LARGE1: variants seen among roughly 807,000 people sequenced by gnomAD.
LARGE1 encodes the protein xylosyl- and glucuronyltransferase LARGE1.
Under a neutral mutation model 87.6 loss-of-function variants are expected in LARGE1, and 43 were observed. The ratio of observed to expected loss-of-function variants is 0.49; its 90% CI spans 0.38 to 0.63. LARGE1 has a LOEUF of 0.63. LARGE1 is among the 30% of genes least tolerant of loss of function. The pLI, the probability that LARGE1 is intolerant of heterozygous loss-of-function variation, is 0.00. For synonymous variants in LARGE1, 434 were observed against 394.6 expected (o/e 1.10, Z -1.18); for missense variants, 802 against 1,000.2 (o/e 0.80, Z 2.67).
At chr22:33,651,759 A>G (rs1255345108) in intron 2 of LARGE1, among the ~76,000 whole-genome samples, 1 of 152,222 alleles carries the variant, frequency 6.6e-6, no homozygotes, top group Admixed American at 6.5e-5. Flanking sequence ...AAAATATTAA[A>G]AGCAACAAGG....
intron 6 of LARGE1, among the ~76,000 whole-genome samples, chr22:33,519,006 T>C (rs1325345338): frequency 6.6e-6 from 1 of 152,082 alleles, no homozygotes; most frequent in Non-Finnish European, 1.5e-5. Flanking sequence ...GGAACTTACC[T>C]AAAACAAGAC....
At position 33,421,133 on chromosome 22, in the gene LARGE1, G is replaced by A. The variant is rs567949209; in HGVS notation, c.892+11028C>T. Among the ~76,000 whole-genome samples, 17 of 152,238 alleles carry A rather than the reference G, an allele frequency of 1.1e-4. No homozygotes were observed. The South Asian group carries it at 3.3e-3, about 30-fold the overall frequency. ...GAACCCAGGAGGTGGAGGTTGCAGT[G>A]AGCAGAGATCACGCCACTGCACTCC... On this transcript the variant is annotated intron_variant, in intron 7 of 14. Transcript: ENST00000397394.
intron 7 of LARGE1, among the ~76,000 whole-genome samples, chr22:33,400,614 C>A (rs900275674): frequency 5.4e-4 from 82 of 152,254 alleles, no homozygotes; most frequent in African/African-American, 1.9e-3. Flanking sequence ...GGAGAGATGG[C>A]GTGGATGGCC....
At chr22:33,332,725 G>A (rs1362652709) in intron 10 of LARGE1, among the ~76,000 whole-genome samples, 1 of 152,136 alleles carries the variant, frequency 6.6e-6, no homozygotes, top group Non-Finnish European at 1.5e-5. Flanking sequence ...GACGCGCTGC[G>A]GAAGACCAGG....
intron 2 of LARGE1, among the ~76,000 whole-genome samples, chr22:33,684,365 A>C (rs1432851240): frequency 6.6e-6 from 1 of 152,028 alleles, no homozygotes; most frequent in Non-Finnish European, 1.5e-5. Flanking sequence ...TCAGCCTCGG[A>C]CTACTCATGT....
chr22:33,232,922 G>A (rs1018360513), intron 11 of LARGE1, among the ~76,000 whole-genome samples: 1 of 152,186 alleles, frequency 6.6e-6, no homozygotes, highest in Non-Finnish European at 1.5e-5. Flanking sequence ...GTTTCTGGGG[G>A]CAGGGAGCAG....
chr22:33,843,222 A>G (rs1433218993), intron 1 of LARGE1, among the ~76,000 whole-genome samples: 3 of 152,086 alleles, frequency 2.0e-5, no homozygotes, highest in Non-Finnish European at 4.4e-5. Flanking sequence ...AGTATACTGC[A>G]GTGGGTCGGG....
intron 7 of LARGE1, among the ~76,000 whole-genome samples, chr22:33,420,767 T>C (rs1351871353): frequency 1.3e-5 from 2 of 152,348 alleles, no homozygotes; most frequent in East Asian, 3.9e-4. Flanking sequence ...AACAAATGAA[T>C]GAACACGTGG....
intron 1 of LARGE1, among the ~76,000 whole-genome samples, chr22:33,816,657 C>A (rs1035070733): frequency 8.6e-6 from 1 of 116,684 alleles, no homozygotes; most frequent in African/African-American, 3.0e-5. Flanking sequence ...TACAGACAGA[C>A]GGATGCACGG....
chr22:33,907,181 G>A (rs988755111), intron 1 of LARGE1, among the ~76,000 whole-genome samples: 1 of 152,112 alleles, frequency 6.6e-6, no homozygotes, highest in African/African-American at 2.4e-5. Flanking sequence ...GATAAGCCCA[G>A]GGCTCCTCTG....
intron 4 of LARGE1, among the ~76,000 whole-genome samples, chr22:33,621,559 C>A (rs950754550): frequency 6.6e-6 from 1 of 152,090 alleles, no homozygotes; most frequent in African/African-American, 2.4e-5. Flanking sequence ...CATCCTGCAC[C>A]ACTATTATTA....
intron 1 of LARGE1, among the ~76,000 whole-genome samples, chr22:33,785,625 G>A (rs1222910060): frequency 6.6e-6 from 1 of 152,146 alleles, no homozygotes; most frequent in Non-Finnish European, 1.5e-5. Context: ...CATGTGTAGT[G>A]ATCACAGGGC....
At chr22:33,337,622 T>G (rs760707451) in intron 10 of LARGE1, 24 bp downstream of exon 10, 1 of 1,613,864 alleles carries the variant, frequency 6.2e-7, no homozygotes, top group Non-Finnish European at 8.5e-7. Context: ...GCCCCTTCCC[T>G]GCCCAGCCTT....
At chr22:33,463,742 G>A (rs1004908284) in intron 6 of LARGE1, among the ~76,000 whole-genome samples, 3 of 152,142 alleles carry the variant, frequency 2.0e-5, no homozygotes, top group Admixed American at 2.0e-4. Context: ...GCGCAACCTC[G>A]GCTCACCATA....
At chr22:33,517,487 T>C (rs2071368675) in intron 6 of LARGE1, among the ~76,000 whole-genome samples, 1 of 152,154 alleles carries the variant, frequency 6.6e-6, no homozygotes, top group East Asian at 1.9e-4. Flanking sequence ...TCAAGCGCGA[T>C]TCTCCTGCCT....
At chr22:33,773,231 G>A (rs976168051) in intron 1 of LARGE1, among the ~76,000 whole-genome samples, 1 of 152,164 alleles carries the variant, frequency 6.6e-6, no homozygotes, top group Non-Finnish European at 1.5e-5. Context: ...TGTCAAACTG[G>A]CACTTCCTAA....
At chr22:33,730,189 A>G (rs1482847950) in intron 2 of LARGE1, among the ~76,000 whole-genome samples, 1 of 152,168 alleles carries the variant, frequency 6.6e-6, no homozygotes, top group Non-Finnish European at 1.5e-5. Flanking sequence ...GAAAACCTCT[A>G]TGATGATCTG....
chr22:33,615,887 T>C (rs889349756), intron 4 of LARGE1, among the ~76,000 whole-genome samples: 7 of 152,124 alleles, frequency 4.6e-5, no homozygotes, highest in African/African-American at 1.4e-4. Flanking sequence ...TCAAAGAAGA[T>C]ATACAAATGG....
intron 7 of LARGE1, among the ~76,000 whole-genome samples, chr22:33,403,667 G>A (rs1198289482): frequency 1.3e-5 from 2 of 151,856 alleles, no homozygotes; most frequent in African/African-American, 2.4e-5. Flanking sequence ...GTAGTGGCGC[G>A]ATCTCGGCTC....
Sources: allele counts gnomAD v4.1 joint callset (sites outside exome capture counted in the v4.1 genomes callset), GRCh38; gene constraint gnomAD v4.1.1; transcripts MANE v1.5; gene names NCBI Gene and HGNC (gene_info 2026-07-23, HGNC 2026-07-21).